Variants in PCDHA10 observed in about 807,000 individuals in gnomAD.
PCDHA10 encodes the protein protocadherin alpha-10.
In PCDHA10, 45 loss-of-function variants were observed where a neutral mutation model predicts 61.2. That is an observed-to-expected ratio of 0.74 (90% CI 0.58 to 0.94). The LOEUF (loss-of-function observed/expected upper bound fraction) is 0.94. PCDHA10 is among the 40% of genes least tolerant of loss of function. The pLI, the probability that PCDHA10 is intolerant of heterozygous loss-of-function variation, is 0.00. For synonymous variants in PCDHA10, 602 were observed against 548.8 expected, an observed-to-expected ratio of 1.10 and a Z score of -1.35; for missense variants, 1,278 against 1,236.2, an observed-to-expected ratio of 1.03 and a Z score of -0.51.
chr5:140,870,731 C>G (rs782095287), intron 1 of PCDHA10: 1 of 1,613,444 alleles, frequency 6.2e-7, no homozygotes. Flanking sequence ...GGCGTGCCGC[C>G]TCTGAGCAGC....
intron 1 of PCDHA10, among the ~76,000 whole-genome samples, chr5:140,961,302 A>G (rs1383841228): frequency 6.6e-6 from 1 of 152,222 alleles, no homozygotes; most frequent in African/African-American, 2.4e-5. Context: ...GTTAAAGAAC[A>G]TGATTTACCA....
At chr5:140,896,087 A>T (rs2065366348) in intron 1 of PCDHA10, among the ~76,000 whole-genome samples, 1 of 152,218 alleles carries the variant, frequency 6.6e-6, no homozygotes, top group East Asian at 1.9e-4. Flanking sequence ...CTGGGATTAC[A>T]GGCGTGAGCC....
intron 1 of PCDHA10, chr5:140,871,465 C>T (rs782500075): frequency 5.0e-6 from 8 of 1,602,850 alleles, no homozygotes; most frequent in Non-Finnish European, 6.0e-6. Flanking sequence ...AGGGGAAAGA[C>T]AGGAGCCAGG....
intron 1 of PCDHA10, chr5:140,927,277 GTGCAGC>G: frequency 6.2e-7 from 1 of 1,614,016 alleles, no homozygotes; most frequent in Non-Finnish European, 8.5e-7. Flanking sequence ...TGCCGGCGAC[GTGCAGC>G]TGCACATCCC....
chr5:140,900,424 C>T (rs557118930), intron 1 of PCDHA10, among the ~76,000 whole-genome samples: 151 of 152,214 alleles, frequency 9.9e-4, no homozygotes, highest in African/African-American at 3.3e-3. Flanking sequence ...ATTATAGGCA[C>T]GTGCCACCAC....
Position 141,011,440 on chromosome 5 carries a change from T to G in PCDHA10, c.*1503T>G, listed in dbSNP as rs2098420601. 1 of 153,808 alleles carries G rather than the reference T, an allele frequency of 6.5e-6. No individual in the cohort carries two copies. Among genetic ancestry groups the G allele is most frequent in the Admixed American group, 6.5e-5 (1 of 15,282 alleles). 9.5% of individuals were successfully genotyped at this position (153,808 alleles called of 1,614,324 possible). A position where few individuals can be genotyped will look rare whatever the true frequency, so the allele number is the denominator to read the frequency against. Reference sequence around the variant, plus strand: ...ATGTTAATGCAACTATTACCTAGAGTGAACTTTAAGCTTTATTGTTGAATG... The same window carrying G: ...ATGTTAATGCAACTATTACCTAGAGGGAACTTTAAGCTTTATTGTTGAATG... On this transcript the variant is annotated 3_prime_UTR_variant, in exon 4 of 4. Transcript: ENST00000307360.
Position 141,010,647 on chromosome 5 carries a change from GT to G in PCDHA10, c.*714del, listed in dbSNP as rs782752760. ...CATACCTGCAAGCCAACAGTTCAGT[GT>G]TTTAACAGAGAACCACCCTGGGAAA... On this transcript the variant is annotated 3_prime_UTR_variant, in exon 4 of 4. Coordinates refer to ENST00000307360, the MANE Select transcript of PCDHA10 (RefSeq NM_018901.4). 4.6e-5 allele frequency: 8 copies of G among 173,154 alleles called. No homozygotes were observed. Among genetic ancestry groups the G allele is most frequent in the Admixed American group, 1.2e-4 (2 of 16,978 alleles). 10.7% of individuals were successfully genotyped at this position (173,154 alleles called of 1,614,324 possible).
chr5:140,987,999 C>T (rs543796200), intron 3 of PCDHA10, among the ~76,000 whole-genome samples: 3 of 152,292 alleles, frequency 2.0e-5, no homozygotes, highest in African/African-American at 7.2e-5. Context: ...TCTGATCCTT[C>T]CCCAGAAAGA....
At chr5:140,964,961 G>A (rs552220130) in intron 1 of PCDHA10, among the ~76,000 whole-genome samples, 1 of 152,320 alleles carries the variant, frequency 6.6e-6, no homozygotes, top group Non-Finnish European at 1.5e-5. Context: ...TTGGTTGGTG[G>A]AACGAAGGGA....
chr5:140,863,400 G>A, intron 1 of PCDHA10: 2 of 854,178 alleles, frequency 2.3e-6, no homozygotes, highest in Admixed American at 1.9e-5. Flanking sequence ...TGCCGGGCAA[G>A]CCCACGCTGG....
intron 1 of PCDHA10, among the ~76,000 whole-genome samples, chr5:140,951,684 A>G (rs1392497741): frequency 3.3e-5 from 5 of 152,144 alleles, no homozygotes; most frequent in African/African-American, 1.2e-4. Flanking sequence ...GGGGATTACA[A>G]TGTGACATGA....
intron 1 of PCDHA10, chr5:140,928,449 G>A (rs1225507568): frequency 3.7e-6 from 6 of 1,614,136 alleles, no homozygotes; most frequent in Non-Finnish European, 5.1e-6. Context: ...AGCAGCTCAG[G>A]GGGTTTCATT....
At chr5:140,974,827 G>T (rs1356890991) in intron 1 of PCDHA10, among the ~76,000 whole-genome samples, 1 of 152,182 alleles carries the variant, frequency 6.6e-6, no homozygotes. Context: ...GCAACATAAT[G>T]ATTATTTTAA....
chr5:140,926,351 C>T (rs1301072681), intron 1 of PCDHA10: 2 of 152,276 alleles, frequency 1.3e-5, no homozygotes, highest in African/African-American at 4.8e-5. Flanking sequence ...CGACGCGCGG[C>T]TCCCAAAGGG....
chr5:140,984,969 G>A (rs1045140349), intron 3 of PCDHA10, among the ~76,000 whole-genome samples: 8 of 151,670 alleles, frequency 5.3e-5, no homozygotes, highest in South Asian at 2.1e-4. Context: ...ACAGAGTCTC[G>A]CTCTGTCCCC....
At chr5:140,867,584 T>G (rs1386448666) in intron 1 of PCDHA10, 4 of 152,130 alleles carry the variant, frequency 2.6e-5, no homozygotes, top group Non-Finnish European at 5.9e-5. Context: ...CTTGCAGTAT[T>G]TTTAGATTGG....
chr5:140,876,784 A>T (rs1336979041), intron 1 of PCDHA10: 1 of 1,614,094 alleles, frequency 6.2e-7, no homozygotes, highest in Non-Finnish European at 8.5e-7. Flanking sequence ...GCTGTGGGCC[A>T]CGGCTAGAGT....
chr5:140,939,551 G>A (rs2092410878), intron 1 of PCDHA10, among the ~76,000 whole-genome samples: 1 of 151,156 alleles, frequency 6.6e-6, no homozygotes, highest in African/African-American at 2.5e-5. Flanking sequence ...ATTTCTTGTT[G>A]TATTAGTTTG....
chr5:140,925,647 A>AATAATAATC (rs1477954591), intron 1 of PCDHA10, among the ~76,000 whole-genome samples: 5 of 123,794 alleles, frequency 4.0e-5, no homozygotes, highest in Non-Finnish European at 7.0e-5. Flanking sequence ...AAAGTATAAT[A>AATAATAATC]ATAATAATAA....
Sources: allele counts gnomAD v4.1 joint callset (sites outside exome capture counted in the v4.1 genomes callset), GRCh38; gene constraint gnomAD v4.1.1; transcripts MANE v1.5; gene names NCBI Gene and HGNC (gene_info 2026-07-23, HGNC 2026-07-21).